ZBTB7C: variants seen among roughly 807,000 people sequenced by gnomAD.
The protein encoded by ZBTB7C is zinc finger and BTB domain containing 7C, also known as zinc finger and BTB domain-containing protein 7C.
Under a neutral mutation model 25.7 loss-of-function variants are expected in ZBTB7C, and 8 were observed. That is an observed-to-expected ratio of 0.31 (90% CI 0.18 to 0.56). ZBTB7C has a LOEUF of 0.56. Ranked by LOEUF, ZBTB7C falls within the 20% of genes least tolerant of loss-of-function variation. The pLI is 0.91. For synonymous variants in ZBTB7C, 394 were observed against 369.0 expected (o/e 1.07, Z -0.78); for missense variants, 824 against 855.2 (o/e 0.96, Z 0.46).
chr18:48,043,426 T>C (rs1407980295), intron 3 of ZBTB7C, among the ~76,000 whole-genome samples: 1 of 152,186 alleles, frequency 6.6e-6, no homozygotes, highest in African/African-American at 2.4e-5. Context: ...ATTCTCAATA[T>C]GTGCAACAGC....
upstream of ZBTB7C, chr18:48,409,390 G>C (rs1054867163): frequency 6.8e-6 from 1 of 147,122 alleles, no homozygotes; most frequent in Admixed American, 6.7e-5. Context: ...GTATGGAGCT[G>C]AGCGGCGGCA....
chr18:48,040,172 GTCC>G lies in ZBTB7C; in HGVS notation c.933_935del (p.Lys311_Asp312delinsAsn). On this transcript the variant is annotated inframe_deletion, in exon 4 of 5. Coordinates refer to ENST00000590800, the MANE Select transcript of ZBTB7C (RefSeq NM_001318841.2). ...GCCCCCCCGGCAGGTCAGGGAACATGTCCTTGAAGAAGTCATTAGGGAAGGGTG... is the reference window on the plus strand; with the variant it reads ...GCCCCCCCGGCAGGTCAGGGAACATGTTGAAGAAGTCATTAGGGAAGGGTG... 1 of 1,577,462 alleles carries G rather than the reference GTCC, an allele frequency of 6.3e-7. No individual in the cohort carries two copies. The highest frequency in any genetic ancestry group is 8.6e-7 in the Non-Finnish European group (1 of 1,162,684).
In ZBTB7C at chr18:48,310,931, C is replaced by T. The variant is rs531799473; in HGVS notation, c.-79+27243G>A. ...TCCAAATGTCAGCACAAAGTAACTGCCCCTCTATGTGACAGATGTGTGCAC... is the reference window on the plus strand; with the variant it reads ...TCCAAATGTCAGCACAAAGTAACTGTCCCTCTATGTGACAGATGTGTGCAC... On this transcript the variant is annotated intron_variant, in intron 2 of 4. Transcript: ENST00000590800. Among the ~76,000 whole-genome samples, 26 of 152,342 alleles carry T rather than the reference C, an allele frequency of 1.7e-4. No individual in the cohort carries two copies. In the East Asian group the frequency reaches 4.6e-3, roughly 27 times the overall value.
chr18:48,308,825 T>A (rs1466367185), intron 2 of ZBTB7C, among the ~76,000 whole-genome samples: 2 of 152,172 alleles, frequency 1.3e-5, no homozygotes, highest in Non-Finnish European at 2.9e-5. Context: ...TCGAGCCCCA[T>A]CCCAGACCTC....
chr18:48,355,073 T>C (rs2046946368), intron 1 of ZBTB7C, among the ~76,000 whole-genome samples: 1 of 152,198 alleles, frequency 6.6e-6, no homozygotes, highest in African/African-American at 2.4e-5. Flanking sequence ...TACTGGGCCC[T>C]GGAGAAGAGA....
chr18:48,035,165 C>T (rs1021539753), intron 4 of ZBTB7C, among the ~76,000 whole-genome samples: 6 of 152,216 alleles, frequency 3.9e-5, no homozygotes, highest in South Asian at 2.1e-4. Flanking sequence ...GGTCAGCATT[C>T]GGCTGGCACT....
intron 2 of ZBTB7C, among the ~76,000 whole-genome samples, chr18:48,307,323 C>T (rs2045699283): frequency 6.6e-6 from 1 of 152,234 alleles, no homozygotes; most frequent in African/African-American, 2.4e-5. Context: ...AATTACTTCT[C>T]ACACTGTCAC....
chr18:48,385,996 A>G (rs1432466208), intron 1 of ZBTB7C, among the ~76,000 whole-genome samples: 1 of 152,188 alleles, frequency 6.6e-6, no homozygotes, highest in African/African-American at 2.4e-5. Context: ...TATGTGAACT[A>G]GAAGGCAGAG....
intron 2 of ZBTB7C, among the ~76,000 whole-genome samples, chr18:48,301,231 C>T (rs776173772): frequency 2.0e-5 from 3 of 152,192 alleles, no homozygotes; most frequent in Non-Finnish European, 4.4e-5. Context: ...GTAATCCCAG[C>T]GCTTTGGGAG....
At chr18:48,347,124 G>GTTTTTTTTT (rs1158209713) in intron 1 of ZBTB7C, among the ~76,000 whole-genome samples, 135 of 80,434 alleles carry the variant, frequency 1.7e-3, no homozygotes, top group African/African-American at 2.1e-3. Context: ...GTTTTTGTTT[G>GTTTTTTTTT]TTTTTTTTTT....
chr18:48,072,282 C>T (rs1178908530), intron 3 of ZBTB7C, among the ~76,000 whole-genome samples: 2 of 152,154 alleles, frequency 1.3e-5, no homozygotes. Flanking sequence ...TAAGAAGACC[C>T]CAAACGGGGA....
chr18:48,258,386 T>C (rs1598720718), intron 2 of ZBTB7C, among the ~76,000 whole-genome samples: 1 of 152,220 alleles, frequency 6.6e-6, no homozygotes, highest in Admixed American at 6.5e-5. Flanking sequence ...TTGTGATATA[T>C]AAGATCAATG....
chr18:48,064,839 C>T (rs1184397957), intron 3 of ZBTB7C, among the ~76,000 whole-genome samples: 3 of 152,072 alleles, frequency 2.0e-5, no homozygotes, highest in East Asian at 3.9e-4. Flanking sequence ...TGAAGTGGAC[C>T]CTAGAAGTTC....
chr18:48,279,079 T>G (rs1000601142), intron 2 of ZBTB7C, among the ~76,000 whole-genome samples: 1 of 152,022 alleles, frequency 6.6e-6, no homozygotes, highest in South Asian at 2.1e-4. Flanking sequence ...TTGTCACACA[T>G]ACTTAGAAGG....
At chr18:48,133,601 ATT>A (rs10578146) in intron 3 of ZBTB7C, among the ~76,000 whole-genome samples, 10,801 of 142,978 alleles carry the variant, frequency 0.076, 1,231 homozygotes, top group African/African-American at 0.25. Context: ...TCCCCACGCT[ATT>A]TTTTTTTTTT....
chr18:48,100,854 G>C (rs555498715), intron 3 of ZBTB7C, among the ~76,000 whole-genome samples: 1 of 152,018 alleles, frequency 6.6e-6, no homozygotes, highest in Non-Finnish European at 1.5e-5. Flanking sequence ...ATGCAGATGA[G>C]CCTCTCTGGG....
chr18:48,044,967 G>C (rs1474118825), intron 3 of ZBTB7C, among the ~76,000 whole-genome samples: 2 of 152,370 alleles, frequency 1.3e-5, no homozygotes, highest in Middle Eastern at 3.4e-3. Flanking sequence ...ACCTGAGCCT[G>C]CATCTGGCTC....
At chr18:48,310,221 C>T (rs1249521094) in intron 2 of ZBTB7C, among the ~76,000 whole-genome samples, 1 of 149,294 alleles carries the variant, frequency 6.7e-6, no homozygotes, top group African/African-American at 2.5e-5. Flanking sequence ...CAGAGTGAGA[C>T]TCCACCTCAA....
chr18:48,129,725 C>G (rs1374479001), intron 3 of ZBTB7C, among the ~76,000 whole-genome samples: 1 of 152,230 alleles, frequency 6.6e-6, no homozygotes, highest in African/African-American at 2.4e-5. Flanking sequence ...CCTGGCCTCT[C>G]TCTCGTTGAA....
Sources: allele counts gnomAD v4.1 joint callset (sites outside exome capture counted in the v4.1 genomes callset), GRCh38; gene constraint gnomAD v4.1.1; transcripts MANE v1.5; gene names NCBI Gene and HGNC (gene_info 2026-07-23, HGNC 2026-07-21).